ZNF316: variants seen among roughly 807,000 people sequenced by gnomAD.
ZNF316 encodes the protein zinc finger protein 316.
ZNF316 carries 23 observed loss-of-function variants against 75.6 expected under a neutral mutation model. The observed-to-expected ratio is 0.30, with a 90% CI of 0.22 to 0.43. The LOEUF (loss-of-function observed/expected upper bound fraction) is 0.43. Ranked by LOEUF, ZNF316 falls within the 20% of genes least tolerant of loss-of-function variation. The pLI is 1.00. For missense variants in ZNF316, 1,266 were observed against 1,409.4 expected (o/e 0.90, Z 1.63); for synonymous variants, 827 against 666.2 (o/e 1.24, Z -3.72).
At position 6,653,606 on chromosome 7, in the gene ZNF316, C is replaced by T. The variant is rs1252037056; in HGVS notation, c.2010C>T (p.Pro670=). ...GAGGCGGCCTGCGCGCGTTCGGGCCCGCCATCGGGGGTCTGCTGGCGGAGC... is the reference window on the plus strand; with the variant it reads ...GAGGCGGCCTGCGCGCGTTCGGGCCTGCCATCGGGGGTCTGCTGGCGGAGC... ...GGGGGLRAFG[P]AIGGLLAEPA... The change falls in exon 9 of 9, where the codon CCC becomes CCT. Residue 670 remains proline (P), a synonymous_variant. Coordinates refer to ENST00000382252, the MANE Select transcript of ZNF316 (RefSeq NM_001278559.2). 4 of 1,061,942 alleles carry T rather than the reference C, an allele frequency of 3.8e-6. No homozygotes were observed. The highest frequency in any genetic ancestry group is 3.4e-6 in the Non-Finnish European group (3 of 878,224). The allele number at this position is 1,061,942 out of a possible 1,614,324, so 65.8% of individuals were successfully genotyped here.
In ZNF316 at chr7:6,652,968, C is replaced by G; in HGVS notation, c.1372C>G (p.Pro458Ala). 8.1e-7 allele frequency: 1 copy of G among 1,241,090 alleles called. No homozygotes were observed. Among genetic ancestry groups the G allele is most frequent in the Non-Finnish European group, 1.0e-6 (1 of 992,072 alleles). The allele number at this position is 1,241,090 out of a possible 1,614,324, so 76.9% of individuals were successfully genotyped here. Reference protein sequence around the residue: ...QRTHTGERPYPCSHCGRSFSQ... With the variant: ...QRTHTGERPYACSHCGRSFSQ... ...CACGCACACCGGCGAGCGACCCTACCCGTGTTCGCACTGCGGCCGCAGCTT... is the reference window on the plus strand; with the variant it reads ...CACGCACACCGGCGAGCGACCCTACGCGTGTTCGCACTGCGGCCGCAGCTT... Residue 458 changes from proline (P) to alanine (A), a missense_variant, in exon 9 of 9, where the codon CCG becomes GCG. Around this residue, in one of 3 missense-constraint regions of ZNF316, gnomAD observed 961 missense variants for 990.9 expected, o/e 0.97. Coordinates refer to ENST00000382252, the MANE Select transcript of ZNF316 (RefSeq NM_001278559.2).
chr7:6,651,647 C>T (rs1779509637), intron 8 of ZNF316, among the ~76,000 whole-genome samples: 1 of 151,852 alleles, frequency 6.6e-6, no homozygotes, highest in South Asian at 2.1e-4. Context: ...CCCATAATCG[C>T]AGCTACTTGG....
In ZNF316 at chr7:6,657,362, G is replaced by A. The variant is rs182136888; in HGVS notation, c.*2751G>A. On this transcript the variant is annotated 3_prime_UTR_variant, in exon 9 of 9. Coordinates refer to ENST00000382252, the MANE Select transcript of ZNF316 (RefSeq NM_001278559.2). ...AAGCCGGGCATAGTGGTATGCATCT[G>A]TAGTCCCATCTACTTGGGAGGCTGA... Among the ~76,000 whole-genome samples, 9 of 144,724 alleles carry A rather than the reference G, an allele frequency of 6.2e-5. No homozygotes were observed. The highest frequency in any genetic ancestry group is 4.2e-4 in the Admixed American group (6 of 14,308). 94.9% of individuals were successfully genotyped at this position (144,724 alleles called of 152,430 possible). A position where few individuals can be genotyped will look rare whatever the true frequency, so the allele number is the denominator to read the frequency against.
At chr7:6,651,768 CA>C (rs1459705823) in intron 8 of ZNF316, among the ~76,000 whole-genome samples, 1 of 152,110 alleles carries the variant, frequency 6.6e-6, no homozygotes, top group Non-Finnish European at 1.5e-5. Context: ...TGTCTCAAAA[CA>C]AAAACAAAAA....
At position 6,653,035 on chromosome 7, in the gene ZNF316, C is replaced by G; in HGVS notation, c.1439C>G (p.Thr480Arg). ...CTGGCACGGCACCAGGCGGTGCACA[C>G]GGCCGACCGCCCGCACTGCTGTCCC... ...SALARHQAVH[T>R]ADRPHCCPDC... Residue 480 changes from threonine to arginine, a missense_variant, in exon 9 of 9, where the codon ACG (threonine) becomes AGG (arginine). By Grantham distance (71) the Thr-to-Arg change is moderately conservative. Transcript: ENST00000382252. The G allele has an allele frequency of 2.5e-6, 3 of 1,220,870 alleles. No homozygotes were observed. Among genetic ancestry groups the G allele is most frequent in the Non-Finnish European group, 3.1e-6 (3 of 981,036 alleles). 75.6% of individuals were successfully genotyped at this position (1,220,870 alleles called of 1,614,324 possible). A position where few individuals can be genotyped will look rare whatever the true frequency, so the allele number is the denominator to read the frequency against.
At chr7:6,638,706 G>T (rs867766127) in intron 2 of ZNF316, among the ~76,000 whole-genome samples, 1 of 152,190 alleles carries the variant, frequency 6.6e-6, no homozygotes, top group African/African-American at 2.4e-5. Flanking sequence ...AGGTCGAGGC[G>T]GGTGGATCAC....
At position 6,654,497 on chromosome 7, in the gene ZNF316, C is replaced by T; in HGVS notation, c.2901C>T (p.Gly967=). Residue 967 remains glycine, a synonymous_variant, in exon 9 of 9, where the codon GGC becomes GGT. Coordinates refer to ENST00000382252, the MANE Select transcript of ZNF316 (RefSeq NM_001278559.2). ...EAAAKGPSSA[G]PGERGSALLE... is the part of the protein sequence containing the mutation. ...CCGCCAAGGGGCCGTCCAGTGCCGG[C>T]CCCGGTGAGCGCGGCAGCGCCCTGC... The T allele has an allele frequency of 8.5e-7, 1 of 1,178,694 alleles. No homozygotes were observed. Among genetic ancestry groups the T allele is most frequent in the Non-Finnish European group, 1.0e-6 (1 of 954,004 alleles). The allele number at this position is 1,178,694 out of a possible 1,614,324, so 73.0% of individuals were successfully genotyped here.
intron 2 of ZNF316, among the ~76,000 whole-genome samples, 157 bp downstream of exon 2, chr7:6,638,166 G>T (rs1441545323): frequency 1.3e-5 from 2 of 152,136 alleles, no homozygotes; most frequent in African/African-American, 4.8e-5. Flanking sequence ...CTTGTGTGGG[G>T]AGACCTCGGT....
chr7:6,647,050 G>C (rs1779417823), intron 8 of ZNF316, among the ~76,000 whole-genome samples: 1 of 152,214 alleles, frequency 6.6e-6, no homozygotes, highest in African/African-American at 2.4e-5. Context: ...TGCCGGCTCT[G>C]GTCTGCACTA....
At position 6,637,997 on chromosome 7, in the gene ZNF316, C is replaced by T. The variant is rs1779247266; in HGVS notation, c.-279C>T. 1 of 152,250 alleles carries T rather than the reference C, an allele frequency of 6.6e-6. No individual in the cohort carries two copies. The highest frequency in any genetic ancestry group is 2.4e-5 in the African/African-American group (1 of 41,454). 9.4% of individuals were successfully genotyped at this position (152,250 alleles called of 1,614,324 possible). ...CCCCGGTGGGCTGCTCGGCTGTCTT[C>T]TGCTGCCGGCAGGTAGGTAGGGACA... On this transcript the variant is annotated 5_prime_UTR_variant, in exon 2 of 9. Transcript: ENST00000382252. This position sits in a 1 kb window ranked among gnomAD's most constrained non-coding sequence, Gnocchi z 6.2.
intron 8 of ZNF316, among the ~76,000 whole-genome samples, chr7:6,651,750 G>A (rs1333247152): frequency 6.6e-6 from 1 of 152,208 alleles, no homozygotes; most frequent in Non-Finnish European, 1.5e-5. Flanking sequence ...GTGACAGAGT[G>A]AGACTCTTGT....
At position 6,652,672 on chromosome 7, in the gene ZNF316, G is replaced by C; in HGVS notation, c.1076G>C (p.Arg359Pro). ...GGCAAGGTCTTCCCGCACCGCTCGCGGCTGGCCAAGCACCAGCGCTACCAC... is the reference window on the plus strand; with the variant it reads ...GGCAAGGTCTTCCCGCACCGCTCGCCGCTGGCCAAGCACCAGCGCTACCAC... ...VCGKVFPHRS[R>P]LAKHQRYHAA... The change falls in exon 9 of 9, where the codon CGG becomes CCG. Residue 359 changes from arginine (R) to proline (P), a missense_variant. Physicochemically the swap from Arg to Pro is moderately radical, Grantham distance 103 (BLOSUM62 -2). This residue lies in a region of ZNF316 where 961 missense variants were observed against 990.9 expected (regional missense o/e 0.97). Transcript: ENST00000382252. The C allele has an allele frequency of 8.1e-7, 1 of 1,232,698 alleles. No individual in the cohort carries two copies. Among genetic ancestry groups the C allele is most frequent in the Non-Finnish European group, 1.0e-6 (1 of 988,196 alleles). 76.4% of individuals were successfully genotyped at this position (1,232,698 alleles called of 1,614,324 possible). A position where few individuals can be genotyped will look rare whatever the true frequency, so the allele number is the denominator to read the frequency against.
At position 6,642,637 on chromosome 7, in the gene ZNF316, GGTGGAGGCGGAC is replaced by G. The variant is rs1779330911; in HGVS notation, c.236_247del (p.Ala79_Glu82del). 3.2e-6 allele frequency: 4 copies of G among 1,235,866 alleles called. No homozygotes were observed. Among genetic ancestry groups the G allele is most frequent in the South Asian group, 8.1e-5 (2 of 24,782 alleles). The allele number at this position is 1,235,866 out of a possible 1,614,324, so 76.6% of individuals were successfully genotyped here. ...AGGTGGAGGCGGTGGCCGAGGTGGA[GGTGGAGGCGGAC>G]GTGGAGGAGGAGGATGTGAAGGAGG... On this transcript the variant is annotated inframe_deletion, in exon 5 of 9. Coordinates refer to ENST00000382252, the MANE Select transcript of ZNF316 (RefSeq NM_001278559.2). The surrounding 1 kb of genome is among the most constrained non-coding windows in gnomAD (Gnocchi z 8.1).
chr7:6,650,048 G>C (rs1779479890), intron 8 of ZNF316, among the ~76,000 whole-genome samples: 1 of 152,168 alleles, frequency 6.6e-6, no homozygotes, highest in African/African-American at 2.4e-5. Flanking sequence ...TGTTTCCTGA[G>C]GTACCGATGC....
At chr7:6,646,135 A>G (rs1219714046) in intron 8 of ZNF316, among the ~76,000 whole-genome samples, 3 of 151,688 alleles carry the variant, frequency 2.0e-5, no homozygotes, top group African/African-American at 7.3e-5. Context: ...TTACAATTGG[A>G]GATAAGGTTT....
Position 6,653,349 on chromosome 7 carries a change from C to T in ZNF316, c.1753C>T (p.Leu585=). 2 of 1,226,180 alleles carry T rather than the reference C, an allele frequency of 1.6e-6. No homozygotes were observed. Among genetic ancestry groups the T allele is most frequent in the South Asian group, 4.1e-5 (1 of 24,304 alleles). 76.0% of individuals were successfully genotyped at this position (1,226,180 alleles called of 1,614,324 possible). A position where few individuals can be genotyped will look rare whatever the true frequency, so the allele number is the denominator to read the frequency against. The change falls in exon 9 of 9, where the codon CTG becomes TTG. Residue 585 remains leucine (L), a synonymous_variant. Transcript: ENST00000382252. ...ERRFLELGNG[L]GEGEGPSSHP... The stretch of plus-strand genomic sequence containing the variant: ...GCGCTTCCTGGAGCTGGGCAACGGC[C>T]TGGGGGAGGGCGAAGGCCCCTCCTC...
At chr7:6,644,957 T>G (rs932803857) in intron 8 of ZNF316, among the ~76,000 whole-genome samples, 21 of 152,218 alleles carry the variant, frequency 1.4e-4, no homozygotes, top group African/African-American at 5.1e-4. Flanking sequence ...CCGTTCCTCC[T>G]GCTTCTCCGC....
In ZNF316 at chr7:6,642,637, G is replaced by GGTGGAGGAC. The variant is rs1779330864; in HGVS notation, c.235_236insACGTGGAGG (p.Glu78_Ala79insAspValGlu). On this transcript the variant is annotated inframe_insertion, in exon 5 of 9. Transcript: ENST00000382252. This position sits in a 1 kb window ranked among gnomAD's most constrained non-coding sequence, Gnocchi z 8.1. ...AGGTGGAGGCGGTGGCCGAGGTGGAGGTGGAGGCGGACGTGGAGGAGGAGG... is the reference window on the plus strand; with the variant it reads ...AGGTGGAGGCGGTGGCCGAGGTGGAGGTGGAGGACGTGGAGGCGGACGTGGAGGAGGAGG... The GGTGGAGGAC allele has an allele frequency of 8.1e-7, 1 of 1,235,866 alleles. No homozygotes were observed. The highest frequency in any genetic ancestry group is 1.0e-6 in the Non-Finnish European group (1 of 990,446). 76.6% of individuals were successfully genotyped at this position (1,235,866 alleles called of 1,614,324 possible). A position where few individuals can be genotyped will look rare whatever the true frequency, so the allele number is the denominator to read the frequency against.
In ZNF316 at chr7:6,653,637, C is replaced by T; in HGVS notation, c.2041C>T (p.Pro681Ser). ...CGGGGGTCTGCTGGCGGAGCCCGCGCCGGCCGCGCTGGCGGAGGAGGAGAG... is the reference window on the plus strand; with the variant it reads ...CGGGGGTCTGCTGGCGGAGCCCGCGTCGGCCGCGCTGGCGGAGGAGGAGAG... ...AIGGLLAEPA[P>S]AALAEEESPW... is the part of the protein sequence containing the mutation. Residue 681 changes from proline (P) to serine (S), a missense_variant, in exon 9 of 9, where the codon CCG becomes TCG. Coordinates refer to ENST00000382252, the MANE Select transcript of ZNF316 (RefSeq NM_001278559.2). 3 of 1,064,674 alleles carry T rather than the reference C, an allele frequency of 2.8e-6. No homozygotes were observed. Among genetic ancestry groups the T allele is most frequent in the Non-Finnish European group, 3.4e-6 (3 of 879,636 alleles). 66.0% of individuals were successfully genotyped at this position (1,064,674 alleles called of 1,614,324 possible).
Sources: gnomAD v4.1 joint callset for allele counts (sites outside exome capture counted in the v4.1 genomes callset) on GRCh38, gnomAD v4.1.1 for gene constraint, gnomAD v4.1.1 regional missense constraint, Gnocchi (gnomAD v3.1) non-coding constraint, MANE v1.5 for transcripts, NCBI Gene and HGNC (gene_info 2026-07-23, HGNC 2026-07-21) for gene names.